OPCML: variants seen among roughly 807,000 people sequenced by gnomAD.
OPCML encodes opioid binding protein/cell adhesion molecule like.
Under a neutral mutation model 37.8 loss-of-function variants are expected in OPCML, and 13 were observed. That is an observed-to-expected ratio of 0.34 (90% CI 0.22 to 0.55). The LOEUF (loss-of-function observed/expected upper bound fraction) is 0.55, where lower values mean the gene tolerates loss of function less well. Ranked by LOEUF, OPCML falls within the 20% of genes least tolerant of loss-of-function variation. OPCML has a pLI of 0.91. For missense variants in OPCML, 341 were observed against 435.6 expected (o/e 0.78, Z 1.93); for synonymous variants, 176 against 168.8 (o/e 1.04, Z -0.33).
chr11:133,058,360 A>G (rs1489459005), intron 1 of OPCML, among the ~76,000 whole-genome samples: 1 of 152,156 alleles, frequency 6.6e-6, no homozygotes, highest in Admixed American at 6.5e-5. Context: ...AGCATCAGAG[A>G]TGCAGGAGAG....
At chr11:132,497,431 GA>G (rs2096235024) in intron 4 of OPCML, among the ~76,000 whole-genome samples, 1 of 142,950 alleles carries the variant, frequency 7.0e-6, no homozygotes, top group East Asian at 2.2e-4. Context: ...AAAAAAAAAA[GA>G]AAAATGCTAT....
chr11:133,180,245 T>C (rs962991921), intron 1 of OPCML, among the ~76,000 whole-genome samples: 6 of 152,084 alleles, frequency 3.9e-5, no homozygotes, highest in Admixed American at 3.3e-4. Flanking sequence ...TAGCGGACCC[T>C]CACGTGTGCG....
At chr11:132,467,429 G>A (rs963651071) in intron 4 of OPCML, among the ~76,000 whole-genome samples, 1 of 152,198 alleles carries the variant, frequency 6.6e-6, no homozygotes, top group African/African-American at 2.4e-5. Flanking sequence ...TGTCACATTA[G>A]TCAACTTAAA....
chr11:132,499,975 C>A (rs1201036810), intron 4 of OPCML, among the ~76,000 whole-genome samples: 2 of 152,178 alleles, frequency 1.3e-5, no homozygotes, highest in Admixed American at 6.5e-5. Flanking sequence ...GGCTTAAAGT[C>A]ACATTTCAAG....
At chr11:133,235,001 G>T (rs1039527050) in intron 1 of OPCML, among the ~76,000 whole-genome samples, 1 of 152,142 alleles carries the variant, frequency 6.6e-6, no homozygotes, top group African/African-American at 2.4e-5. Flanking sequence ...AACTGCGGCT[G>T]CAGACATTTG....
chr11:132,852,899 G>A (rs1234989270), intron 2 of OPCML, among the ~76,000 whole-genome samples: 1 of 149,242 alleles, frequency 6.7e-6, no homozygotes, highest in Non-Finnish European at 1.5e-5. Flanking sequence ...ATTTTAAAAG[G>A]TTGTTAAAAA....
At chr11:132,816,562 T>G (rs1351591573) in intron 2 of OPCML, among the ~76,000 whole-genome samples, 2 of 152,200 alleles carry the variant, frequency 1.3e-5, no homozygotes. Context: ...TACCTCCAAC[T>G]GCAGGTAAGA....
chr11:133,132,083 T>A (rs1370950072), intron 1 of OPCML, among the ~76,000 whole-genome samples: 1 of 152,204 alleles, frequency 6.6e-6, no homozygotes, highest in African/African-American at 2.4e-5. Flanking sequence ...AAAGACATTG[T>A]ATAGAAAACT....
chr11:133,075,636 C>T (rs564975448), intron 1 of OPCML, among the ~76,000 whole-genome samples: 1 of 152,270 alleles, frequency 6.6e-6, no homozygotes, highest in Non-Finnish European at 1.5e-5. Flanking sequence ...GGAAAAAGCA[C>T]GATCCATCTA....
chr11:132,503,581 T>C (rs1042346396), intron 4 of OPCML, among the ~76,000 whole-genome samples: 1 of 152,064 alleles, frequency 6.6e-6, no homozygotes, highest in African/African-American at 2.4e-5. Context: ...CTCTAAAAAT[T>C]TAAAAAACAA....
intron 1 of OPCML, among the ~76,000 whole-genome samples, chr11:133,281,633 C>G (rs1942161126): frequency 6.6e-6 from 1 of 151,816 alleles, no homozygotes; most frequent in Non-Finnish European, 1.5e-5. Flanking sequence ...ATGAATGTAG[C>G]TTTGGAACTG....
At chr11:133,028,803 AT>A in intron 1 of OPCML, among the ~76,000 whole-genome samples, 1 of 152,218 alleles carries the variant, frequency 6.6e-6, no homozygotes, top group South Asian at 2.1e-4. Context: ...GCCTAGACAA[AT>A]AATTTATGAC....
At chr11:133,288,124 T>A (rs558166035) in intron 1 of OPCML, among the ~76,000 whole-genome samples, 5 of 152,210 alleles carry the variant, frequency 3.3e-5, no homozygotes, top group Non-Finnish European at 7.3e-5. Context: ...CTGCGGTGAA[T>A]GAAGGTGCTA....
At chr11:132,894,542 T>TAGG (rs1382549643) in intron 2 of OPCML, among the ~76,000 whole-genome samples, 5 of 152,178 alleles carry the variant, frequency 3.3e-5, no homozygotes, top group Admixed American at 6.5e-5. Flanking sequence ...ACCTACTGGA[T>TAGG]TAAGGAGTAC....
chr11:132,629,002 T>A (rs1451611825), intron 3 of OPCML, among the ~76,000 whole-genome samples: 1 of 152,052 alleles, frequency 6.6e-6, no homozygotes, highest in Non-Finnish European at 1.5e-5. Flanking sequence ...ATTAGCAGGA[T>A]GAGAATGGAT....
intron 2 of OPCML, among the ~76,000 whole-genome samples, chr11:132,735,998 T>C (rs1015566493): frequency 6.6e-6 from 1 of 152,070 alleles, no homozygotes; most frequent in Non-Finnish European, 1.5e-5. Flanking sequence ...CTAAGAACCA[T>C]GGAGAAATAG....
At chr11:133,160,918 G>A (rs1377494842) in intron 1 of OPCML, among the ~76,000 whole-genome samples, 1 of 152,236 alleles carries the variant, frequency 6.6e-6, no homozygotes, top group African/African-American at 2.4e-5. Context: ...GCTGCTTACT[G>A]AGCAAGCAGG....
At chr11:133,407,182 A>G (rs1945544491) in intron 1 of OPCML, among the ~76,000 whole-genome samples, 1 of 152,226 alleles carries the variant, frequency 6.6e-6, no homozygotes, top group East Asian at 1.9e-4. Flanking sequence ...AGAATAATCC[A>G]TAGAATAAAT....
intron 3 of OPCML, among the ~76,000 whole-genome samples, chr11:132,574,168 A>C (rs12419528): frequency 1.4e-5 from 2 of 144,916 alleles, no homozygotes; most frequent in Non-Finnish European, 3.0e-5. Context: ...TATCTTTTTT[A>C]AAAAAGGCAA....
Sources: gnomAD v4.1 joint callset for allele counts (sites outside exome capture counted in the v4.1 genomes callset) on GRCh38, gnomAD v4.1.1 for gene constraint, MANE v1.5 for transcripts, NCBI Gene and HGNC (gene_info 2026-07-23, HGNC 2026-07-21) for gene names.